PRKCH: variants seen among roughly 807,000 people sequenced by gnomAD.
PRKCH encodes the protein protein kinase C eta type.
A neutral mutation model predicts 82.5 loss-of-function variants in PRKCH; 28 were observed. The ratio of observed to expected loss-of-function variants is 0.34; its 90% CI spans 0.25 to 0.47. The LOEUF (loss-of-function observed/expected upper bound fraction) is 0.47, where lower values mean the gene tolerates loss of function less well. PRKCH is among the 20% of genes least tolerant of loss of function. The pLI, the probability that PRKCH is intolerant of heterozygous loss-of-function variation, is 1.00. For missense variants in PRKCH, 705 were observed against 881.8 expected (o/e 0.80, Z 2.54); for synonymous variants, 322 against 327.4 (o/e 0.98, Z 0.18).
intron 1 of PRKCH, among the ~76,000 whole-genome samples, chr14:61,200,302 C>T (rs1192392581): frequency 6.6e-6 from 1 of 152,122 alleles, no homozygotes; most frequent in African/African-American, 2.4e-5. Context: ...TCCCTAGACT[C>T]TTCATTCATT....
chr14:61,236,700 T>C (rs1420049380), intron 1 of PRKCH, among the ~76,000 whole-genome samples: 1 of 107,318 alleles, frequency 9.3e-6, no homozygotes, highest in Non-Finnish European at 1.8e-5. Flanking sequence ...GAGAAGACCC[T>C]GTCTCAAAAC....
At chr14:61,505,303 G>T (rs1170427658) in intron 10 of PRKCH, among the ~76,000 whole-genome samples, 1 of 151,234 alleles carries the variant, frequency 6.6e-6, no homozygotes, top group Non-Finnish European at 1.5e-5. Context: ...CCTGTTTCTT[G>T]GTTCACGGAT....
intron 1 of PRKCH, among the ~76,000 whole-genome samples, chr14:61,216,461 C>T (rs2140049637): frequency 6.6e-6 from 1 of 151,236 alleles, no homozygotes; most frequent in South Asian, 2.1e-4. Context: ...TAGAGCAAGA[C>T]TCTGTCTCAA....
At chr14:61,300,222 G>A (rs112471947) in intron 1 of PRKCH, among the ~76,000 whole-genome samples, 1 of 32,722 alleles carries the variant, frequency 3.1e-5, no homozygotes, top group Non-Finnish European at 1.7e-4. Context: ...TTTCTTTCTC[G>A]GGTTTTGGAA....
chr14:61,500,006 G>A (rs1473345694), intron 10 of PRKCH, among the ~76,000 whole-genome samples: 1 of 150,724 alleles, frequency 6.6e-6, no homozygotes, highest in East Asian at 1.9e-4. Flanking sequence ...ATAGTCGCTC[G>A]TTCTGGCTGT....
At chr14:61,251,292 A>G (rs2044943936) in intron 1 of PRKCH, among the ~76,000 whole-genome samples, 1 of 152,194 alleles carries the variant, frequency 6.6e-6, no homozygotes, top group Admixed American at 6.5e-5. Context: ...ATCAAGTACT[A>G]GGTCTTATTC....
chr14:61,389,227 G>A (rs2046635559), intron 1 of PRKCH, among the ~76,000 whole-genome samples: 1 of 152,148 alleles, frequency 6.6e-6, no homozygotes, highest in Non-Finnish European at 1.5e-5. Flanking sequence ...GCATGTGCCT[G>A]TGGTCCCAGC....
intron 1 of PRKCH, among the ~76,000 whole-genome samples, chr14:61,212,815 A>G (rs2044592374): frequency 6.6e-6 from 1 of 152,240 alleles, no homozygotes; most frequent in African/African-American, 2.4e-5. Context: ...AAATTGCAAG[A>G]TGCTAAGAGT....
intron 10 of PRKCH, among the ~76,000 whole-genome samples, chr14:61,499,514 C>T (rs896117474): frequency 1.3e-5 from 2 of 152,054 alleles, no homozygotes; most frequent in African/African-American, 2.4e-5. Context: ...ACATCTTGCT[C>T]CTCCCTTTTC....
intron 1 of PRKCH, among the ~76,000 whole-genome samples, chr14:61,377,583 A>G (rs551251035): frequency 1.3e-5 from 2 of 152,338 alleles, no homozygotes; most frequent in South Asian, 2.1e-4. Context: ...ATAAGGTCTC[A>G]ATCACAGCTA....
upstream of PRKCH, among the ~76,000 whole-genome samples, chr14:61,316,922 C>A (rs944226367): frequency 6.6e-6 from 1 of 152,020 alleles, no homozygotes; most frequent in African/African-American, 2.4e-5. Context: ...GAGAGGGGAG[C>A]AAAACCAACA....
intron 1 of PRKCH, among the ~76,000 whole-genome samples, chr14:61,258,156 T>C (rs943982286): frequency 6.6e-6 from 1 of 152,178 alleles, no homozygotes; most frequent in Admixed American, 6.5e-5. Context: ...AGGTTAAAAT[T>C]AGAAATGTGT....
At chr14:61,364,740 G>A (rs1399794346) in intron 1 of PRKCH, among the ~76,000 whole-genome samples, 1 of 152,046 alleles carries the variant, frequency 6.6e-6, no homozygotes, top group Non-Finnish European at 1.5e-5. Flanking sequence ...TAGGGAGGCT[G>A]AAGTGGGAGG....
At chr14:61,209,310 TAAAAAAAAAAAAAA>T (rs6145367) in intron 1 of PRKCH, among the ~76,000 whole-genome samples, 9 of 92,834 alleles carry the variant, frequency 9.7e-5, no homozygotes, top group Non-Finnish European at 1.9e-4. Flanking sequence ...TGCCTTTATT[TAAAAAAAAAAAAAA>T]AAAAAAAAAA....
At chr14:61,393,130 A>G (rs960901785) in intron 2 of PRKCH, among the ~76,000 whole-genome samples, 6 of 151,924 alleles carry the variant, frequency 3.9e-5, no homozygotes, top group African/African-American at 1.5e-4. Context: ...TTTTCTCTAC[A>G]TTATGCCAGT....
intron 9 of PRKCH, among the ~76,000 whole-genome samples, chr14:61,461,846 C>T (rs1343961498): frequency 6.6e-6 from 1 of 152,162 alleles, no homozygotes; most frequent in Non-Finnish European, 1.5e-5. Context: ...AAAATTTTAG[C>T]GGCCACATGA....
At chr14:61,405,597 C>T (rs1012440773) in intron 2 of PRKCH, among the ~76,000 whole-genome samples, 3 of 152,164 alleles carry the variant, frequency 2.0e-5, no homozygotes, top group East Asian at 1.9e-4. Flanking sequence ...AGGCTGGTCT[C>T]GAACTCCTGA....
At chr14:61,276,348 C>CTTTT (rs369236321) in intron 1 of PRKCH, among the ~76,000 whole-genome samples, 1 of 144,510 alleles carries the variant, frequency 6.9e-6, no homozygotes, top group Non-Finnish European at 1.5e-5. Context: ...AGAAGAGGGA[C>CTTTT]TTTTTTTTTT....
chr14:61,192,394 A>G (rs1380571280), intron 1 of PRKCH, among the ~76,000 whole-genome samples: 1 of 152,252 alleles, frequency 6.6e-6, no homozygotes, highest in Non-Finnish European at 1.5e-5. Flanking sequence ...CATTCTGAAA[A>G]GTTATTGCAA....
Sources: allele counts gnomAD v4.1 joint callset (sites outside exome capture counted in the v4.1 genomes callset), GRCh38; gene constraint gnomAD v4.1.1; transcripts MANE v1.5; gene names NCBI Gene and HGNC (gene_info 2026-07-23, HGNC 2026-07-21).